CCDC93: variants seen among roughly 807,000 people sequenced by gnomAD.
CCDC93 encodes the protein coiled-coil domain-containing protein 93.
In CCDC93, 61 loss-of-function variants were observed where a neutral mutation model predicts 108.2. That is an observed-to-expected ratio of 0.56 (90% CI 0.46 to 0.70). CCDC93 has a LOEUF of 0.70. Among genes scored for constraint, CCDC93 ranks in the 30% least tolerant of loss-of-function variants. CCDC93 has a pLI of 0.00. For synonymous variants in CCDC93, 276 were observed against 260.4 expected, an observed-to-expected ratio of 1.06 and a Z score of -0.58; for missense variants, 685 against 764.2, an observed-to-expected ratio of 0.90 and a Z score of 1.22.
intron 6 of CCDC93, among the ~76,000 whole-genome samples, chr2:117,992,235 C>A (rs1418024643): frequency 6.6e-6 from 1 of 151,906 alleles, no homozygotes; most frequent in African/African-American, 2.4e-5. Flanking sequence ...CAATTTTTTT[C>A]CATTCCCCTT....
At chr2:117,950,583 G>A in intron 13 of CCDC93, 1 of 985,374 alleles carries the variant, frequency 1.0e-6, no homozygotes, top group Non-Finnish European at 1.2e-6. Context: ...TCCTGGAAGG[G>A]CAGGTTTTGC....
chr2:117,951,658 A>C, intron 13 of CCDC93: 2 of 1,000,308 alleles, frequency 2.0e-6, no homozygotes, highest in Non-Finnish European at 2.4e-6. Context: ...AAGCACCAAA[A>C]TCACAAGGAA....
rs1678621415 is a variant in CCDC93, at chr2:117,939,252, C to G, written c.1523-141G>C. The G allele has an allele frequency of 5.2e-5, 30 of 572,470 alleles. No individual in the cohort carries two copies. In the South Asian group the frequency reaches 6.4e-4, roughly 12 times the overall value. 35.5% of individuals were successfully genotyped at this position (572,470 alleles called of 1,614,324 possible). A position where few individuals can be genotyped will look rare whatever the true frequency, so the allele number is the denominator to read the frequency against. On this transcript the variant is annotated intron_variant, in intron 19 of 23. Transcript: ENST00000376300. ...CTGCAGAAACCCCACAGCGTGCAAA[C>G]TGAATTGCCTGGGAAGCTTTTAACA...
At chr2:117,993,118 C>T (rs752338940) in intron 6 of CCDC93, among the ~76,000 whole-genome samples, 5 of 152,068 alleles carry the variant, frequency 3.3e-5, no homozygotes, top group Admixed American at 2.0e-4. Flanking sequence ...ATGTTTGGGC[C>T]GGGCACTGTG....
intron 22 of CCDC93, chr2:117,931,626 T>C (rs1312427557): frequency 6.5e-6 from 1 of 152,868 alleles, no homozygotes; most frequent in African/African-American, 2.4e-5. Flanking sequence ...GAAACCCTGA[T>C]TTAAAAACTG....
chr2:117,989,525 C>G (rs545811265), intron 6 of CCDC93, among the ~76,000 whole-genome samples: 2 of 152,310 alleles, frequency 1.3e-5, no homozygotes, highest in South Asian at 4.1e-4. Flanking sequence ...TGGAATGTCA[C>G]TACTGTTGCC....
At position 117,917,693 on chromosome 2, in the gene CCDC93, T is replaced by A. The variant is rs1677729313; in HGVS notation, c.*2650A>T. 6.6e-6 allele frequency: 1 copy of A among 152,242 alleles called. No individual in the cohort carries two copies. The highest frequency in any genetic ancestry group is 2.4e-5 in the African/African-American group (1 of 41,426). 9.4% of individuals were successfully genotyped at this position (152,242 alleles called of 1,614,324 possible). On this transcript the variant is annotated 3_prime_UTR_variant, in exon 24 of 24. Coordinates refer to ENST00000376300, the MANE Select transcript of CCDC93 (RefSeq NM_019044.5). ...TCATCCAACAGAGACGGAGCACAGG[T>A]CAAAGACATCAACAAATGTCCTAGC...
chr2:117,989,694 C>T (rs935090052), intron 6 of CCDC93, among the ~76,000 whole-genome samples: 1 of 152,192 alleles, frequency 6.6e-6, no homozygotes, highest in Non-Finnish European at 1.5e-5. Context: ...GGTTTTCCAT[C>T]TGCATATTAG....
chr2:117,948,768 C>T (rs1323134759), intron 14 of CCDC93, among the ~76,000 whole-genome samples: 1 of 152,140 alleles, frequency 6.6e-6, no homozygotes, highest in Non-Finnish European at 1.5e-5. Flanking sequence ...TAAGCAGCTC[C>T]CAGGAGACTT....
intron 23 of CCDC93, among the ~76,000 whole-genome samples, chr2:117,921,358 A>G (rs1017025660): frequency 2.0e-5 from 3 of 151,994 alleles, no homozygotes; most frequent in Admixed American, 2.0e-4. Context: ...GATCATCTTC[A>G]AAAGCTTCTA....
rs1035598 is a variant in CCDC93, at chr2:117,949,303, A to G, written c.1142+19T>C. On this transcript the variant is annotated intron_variant, in intron 14 of 23. Coordinates refer to ENST00000376300, the MANE Select transcript of CCDC93 (RefSeq NM_019044.5). ...CACTTTCATCAAAGCAAAAATAAGC[A>G]CATGCTGAAACCTCTTACCTTGGAT... The G allele has an allele frequency of 0.99, 1,557,029 of 1,565,972 alleles. 774,517 individuals are homozygous for G. The highest frequency in any genetic ancestry group is 1 in the Non-Finnish European group (1,137,427 of 1,137,534).
chr2:117,928,509 G>A (rs375101972), intron 23 of CCDC93, among the ~76,000 whole-genome samples: 7 of 152,248 alleles, frequency 4.6e-5, no homozygotes, highest in African/African-American at 1.2e-4. Context: ...ACATGAAAAA[G>A]TGCTCATCAT....
Position 117,996,270 on chromosome 2 carries a change from G to A in CCDC93, c.456C>T (p.Leu152=). The A allele has an allele frequency of 1.3e-6, 2 of 1,599,858 alleles. No homozygotes were observed. The highest frequency in any genetic ancestry group is 2.7e-5 in the African/African-American group (2 of 74,710). Residue 152 remains leucine, a synonymous_variant, in exon 5 of 24, where the codon CTC becomes CTT. Transcript: ENST00000376300. ...SVSQFQKTYS[L]PEDDDFIKRK... is the part of the protein sequence containing the mutation. ...ATAAAATCACAATACTGACCTCAGG[G>A]AGACTGTAAGTCTTCTGGAACTGGG... is the stretch of plus-strand genomic sequence containing the variant.
At chr2:117,961,214 T>C (rs1402378001) in intron 11 of CCDC93, among the ~76,000 whole-genome samples, 1 of 152,046 alleles carries the variant, frequency 6.6e-6, no homozygotes, top group African/African-American at 2.4e-5. Context: ...CAGACAACCA[T>C]ACAGAGAGAA....
At chr2:118,000,737 C>T in intron 4 of CCDC93, 84 bp downstream of exon 4, 1 of 817,336 alleles carries the variant, frequency 1.2e-6, no homozygotes, top group Admixed American at 2.0e-5. Flanking sequence ...GGATCCAGGA[C>T]AGACGGACCC....
chr2:117,930,718 C>A (rs1024870967), intron 23 of CCDC93: 9 of 191,082 alleles, frequency 4.7e-5, no homozygotes, highest in Admixed American at 4.1e-4. Context: ...ATATCTGAAT[C>A]CACAACAAAT....
At chr2:117,989,487 T>C in intron 6 of CCDC93, among the ~76,000 whole-genome samples, 1 of 152,214 alleles carries the variant, frequency 6.6e-6, no homozygotes, top group East Asian at 1.9e-4. Flanking sequence ...GTCGTTCTTC[T>C]TGATCAGTCC....
chr2:117,947,880 G>C (rs542348398), intron 15 of CCDC93, among the ~76,000 whole-genome samples: 7 of 152,174 alleles, frequency 4.6e-5, no homozygotes, highest in South Asian at 4.2e-4. Flanking sequence ...ATTTTTAGTA[G>C]AGACGGGGTT....
chr2:117,958,550 TG>T, intron 11 of CCDC93, 69 bp from the exon 12 acceptor site: 1 of 925,562 alleles, frequency 1.1e-6, no homozygotes, highest in South Asian at 1.3e-5. Context: ...AATCAAGCCC[TG>T]TTCAATGTGG....
Sources: gnomAD v4.1 joint callset for allele counts (sites outside exome capture counted in the v4.1 genomes callset) on GRCh38, gnomAD v4.1.1 for gene constraint, MANE v1.5 for transcripts, NCBI Gene and HGNC (gene_info 2026-07-23, HGNC 2026-07-21) for gene names.